The following LRMDA variants were observed in gnomAD, a reference collection of about 807,000 sequenced individuals.
LRMDA encodes the protein leucine-rich melanocyte differentiation-associated protein.
LRMDA carries 18 observed loss-of-function variants against 29.8 expected under a neutral mutation model. That is an observed-to-expected ratio of 0.60 (90% CI 0.42 to 0.90). The LOEUF (loss-of-function observed/expected upper bound fraction) is 0.90, where lower values mean the gene tolerates loss of function less well. Among genes scored for constraint, LRMDA ranks in the 40% least tolerant of loss-of-function variants. The probability of loss-of-function intolerance (pLI) is 0.00; values close to 1 mark genes in which losing one functional copy is unlikely to be tolerated. For missense variants in LRMDA, 273 were observed against 273.9 expected (o/e 1.00, Z 0.02); for synonymous variants, 125 against 109.4 (o/e 1.14, Z -0.89).
chr10:75,582,568 C>T (rs951809639), intron 2 of LRMDA, among the ~76,000 whole-genome samples: 3 of 152,180 alleles, frequency 2.0e-5, no homozygotes, highest in East Asian at 3.8e-4. Flanking sequence ...TTCTGACCTC[C>T]TAGGCCTCCA....
rs188250598 is a variant in LRMDA, at chr10:76,028,920, G to T, written c.132-7088G>T. ...CAACCTCCACCTCCCAGGTTCAAGC[G>T]ATTCTCCTGCCTCAGCCTCCCGAGT... On this transcript the variant is annotated intron_variant, in intron 2 of 6. Coordinates refer to ENST00000611255, the MANE Select transcript of LRMDA (RefSeq NM_001305581.2). Among the ~76,000 whole-genome samples the T allele has an allele frequency of 8.7e-3, 1,311 of 150,918 alleles. 10 individuals carry two copies. Among genetic ancestry groups the T allele is most frequent in the Non-Finnish European group, 0.012 (808 of 67,848 alleles).
intron 5 of LRMDA, among the ~76,000 whole-genome samples, chr10:76,128,165 G>T (rs570975291): frequency 6.6e-6 from 1 of 152,188 alleles, no homozygotes; most frequent in African/African-American, 2.4e-5. Context: ...GTTCTAGATG[G>T]TAACAGGAAA....
At chr10:76,546,167 A>G (rs144264884) in intron 6 of LRMDA, among the ~76,000 whole-genome samples, 8 of 152,286 alleles carry the variant, frequency 5.3e-5, no homozygotes, top group African/African-American at 1.4e-4. Context: ...CTATTCCACA[A>G]TTTAAAAACA....
chr10:76,557,477 G>C lies in LRMDA; in HGVS notation c.*189G>C. On this transcript the variant is annotated 3_prime_UTR_variant, in exon 7 of 7. Transcript: ENST00000611255. ...CAAGATGATCCTTCTGCCTTAGACTGAGTGGTCACATAGAGATTGACATGA... is the reference window on the plus strand; with the variant it reads ...CAAGATGATCCTTCTGCCTTAGACTCAGTGGTCACATAGAGATTGACATGA... The C allele has an allele frequency of 9.8e-6, 6 of 610,310 alleles. No individual in the cohort carries two copies. The highest frequency in any genetic ancestry group is 1.7e-5 in the Non-Finnish European group (6 of 345,684). 37.8% of individuals were successfully genotyped at this position (610,310 alleles called of 1,614,324 possible).
At chr10:75,815,087 C>T (rs1459429811) in intron 2 of LRMDA, among the ~76,000 whole-genome samples, 4 of 152,124 alleles carry the variant, frequency 2.6e-5, no homozygotes, top group African/African-American at 9.7e-5. Flanking sequence ...GCTTTTCTGC[C>T]TGCTACCAGC....
chr10:76,125,529 A>T (rs1264502361), intron 5 of LRMDA, among the ~76,000 whole-genome samples: 1 of 152,096 alleles, frequency 6.6e-6, no homozygotes, highest in African/African-American at 2.4e-5. Flanking sequence ...GTCATTTAAT[A>T]AAAAAAATTG....
At chr10:75,689,588 A>G (rs1291639947) in intron 2 of LRMDA, among the ~76,000 whole-genome samples, 1 of 152,060 alleles carries the variant, frequency 6.6e-6, no homozygotes, top group East Asian at 1.9e-4. Context: ...TTTCCAAGGC[A>G]CCTGGTGCTC....
At chr10:75,626,348 C>T (rs1344202646) in intron 2 of LRMDA, among the ~76,000 whole-genome samples, 1 of 152,136 alleles carries the variant, frequency 6.6e-6, no homozygotes, top group Non-Finnish European at 1.5e-5. Flanking sequence ...GCTGCCTTTA[C>T]TTTTGAGTGG....
At chr10:76,465,453 TTCCCGAGACACTTGG>T (rs1312450840) in intron 6 of LRMDA, among the ~76,000 whole-genome samples, 4 of 152,150 alleles carry the variant, frequency 2.6e-5, no homozygotes, top group Admixed American at 6.5e-5. Flanking sequence ...TAGCTATTTG[TTCCCGAGACACTTGG>T]TGCACTATCC....
intron 2 of LRMDA, among the ~76,000 whole-genome samples, chr10:75,524,697 G>A (rs577599921): frequency 6.6e-6 from 1 of 152,282 alleles, no homozygotes; most frequent in East Asian, 1.9e-4. Context: ...CTTATTCTAA[G>A]GGACTTAGAA....
chr10:75,561,298 C>T (rs1223450840), intron 2 of LRMDA, among the ~76,000 whole-genome samples: 2 of 150,198 alleles, frequency 1.3e-5, no homozygotes, highest in South Asian at 2.2e-4. Flanking sequence ...TCCATTTCTT[C>T]TAGATTTTCT....
intron 2 of LRMDA, among the ~76,000 whole-genome samples, chr10:75,865,937 T>C (rs1182054608): frequency 2.0e-5 from 3 of 152,246 alleles, no homozygotes; most frequent in East Asian, 3.8e-4. Context: ...ATAATTATAG[T>C]TATGCCTCTT....
At chr10:76,520,945 TA>T (rs1425799742) in intron 6 of LRMDA, among the ~76,000 whole-genome samples, 1 of 152,160 alleles carries the variant, frequency 6.6e-6, no homozygotes, top group African/African-American at 2.4e-5. Flanking sequence ...AATAAACTCA[TA>T]GAACATTTGA....
intron 2 of LRMDA, among the ~76,000 whole-genome samples, chr10:75,535,444 T>TA (rs1382830317): frequency 1.3e-5 from 2 of 152,188 alleles, no homozygotes; most frequent in African/African-American, 4.8e-5. Flanking sequence ...AGCAGCAGCT[T>TA]AAAGATTTGT....
At chr10:75,659,433 C>T (rs544663282) in intron 2 of LRMDA, among the ~76,000 whole-genome samples, 3 of 152,144 alleles carry the variant, frequency 2.0e-5, no homozygotes, top group South Asian at 4.2e-4. Context: ...ATTCAAGACA[C>T]ACAACATGAT....
chr10:75,564,391 G>A (rs927067940), intron 2 of LRMDA, among the ~76,000 whole-genome samples: 9 of 152,300 alleles, frequency 5.9e-5, no homozygotes, highest in South Asian at 4.1e-4. Flanking sequence ...TTGGAAAAGC[G>A]CAGTATTAGG....
chr10:75,489,922 C>T (rs372980333), intron 2 of LRMDA, among the ~76,000 whole-genome samples: 1 of 152,072 alleles, frequency 6.6e-6, no homozygotes. Flanking sequence ...CAGGTACTGG[C>T]GCTCAATAGT....
intron 2 of LRMDA, among the ~76,000 whole-genome samples, chr10:75,562,679 T>C (rs1840314842): frequency 6.6e-6 from 1 of 152,134 alleles, no homozygotes. Flanking sequence ...GGTTGTTCTT[T>C]TCCATGTTTA....
intron 5 of LRMDA, among the ~76,000 whole-genome samples, chr10:76,108,664 T>C (rs1011981650): frequency 6.6e-6 from 1 of 152,194 alleles, no homozygotes; most frequent in African/African-American, 2.4e-5. Context: ...TTTTTATTCT[T>C]CCAAAAATAT....
Sources: allele counts gnomAD v4.1 joint callset (sites outside exome capture counted in the v4.1 genomes callset), GRCh38; gene constraint gnomAD v4.1.1; transcripts MANE v1.5; gene names NCBI Gene and HGNC (gene_info 2026-07-23, HGNC 2026-07-21).